The following SECISBP2 variants were observed in gnomAD, a reference collection of about 807,000 sequenced individuals.
The protein encoded by SECISBP2 is SECIS binding protein 2.
SECISBP2 carries 96 observed loss-of-function variants against 98.2 expected under a neutral mutation model. The ratio of observed to expected loss-of-function variants is 0.98; its 90% CI spans 0.83 to 1.16. The LOEUF is 1.16. SECISBP2 is among the 50% of genes most tolerant of loss of function. The probability of loss-of-function intolerance (pLI) is 0.00; values close to 1 mark genes in which losing one functional copy is unlikely to be tolerated. For synonymous variants in SECISBP2, 407 were observed against 370.2 expected, an observed-to-expected ratio of 1.10 and a Z score of -1.14; for missense variants, 1,046 against 1,022.9, an observed-to-expected ratio of 1.02 and a Z score of -0.31.
intron 10 of SECISBP2, among the ~76,000 whole-genome samples, chr9:89,343,110 A>C (rs896231206): frequency 6.6e-6 from 1 of 152,140 alleles, no homozygotes; most frequent in Non-Finnish European, 1.5e-5. Flanking sequence ...ATTCCATGGA[A>C]ATGGTTTACT....
At chr9:89,357,374 CAT>C in intron 14 of SECISBP2, 35 bp from the exon 15 acceptor site, 1 of 1,613,068 alleles carries the variant, frequency 6.2e-7, no homozygotes, top group East Asian at 2.2e-5. Context: ...CTCCATGTGA[CAT>C]GTCTTCCTGT....
At chr9:89,363,770 G>A (rs752685385), downstream of SECISBP2, 42 of 1,613,422 alleles carry the variant, frequency 2.6e-5, 1 homozygote, top group South Asian at 1.9e-4. Context: ...CTGCACCTTC[G>A]AAGTCTTGTT....
At chr9:89,347,452 C>G (rs1411478268) in intron 11 of SECISBP2, among the ~76,000 whole-genome samples, 1 of 150,802 alleles carries the variant, frequency 6.6e-6, no homozygotes, top group Non-Finnish European at 1.5e-5. Flanking sequence ...GTCACAGGCT[C>G]CTCCGGTGAA....
downstream of SECISBP2, chr9:89,359,780 C>T (rs1832620157): frequency 6.6e-6 from 1 of 152,164 alleles, no homozygotes; most frequent in Non-Finnish European, 1.5e-5. Flanking sequence ...GTTCTGCTAT[C>T]CCCAGCACTC....
intron 14 of SECISBP2, among the ~76,000 whole-genome samples, chr9:89,352,839 C>CT (rs879335688): frequency 9.3e-4 from 133 of 143,178 alleles, no homozygotes; most frequent in Admixed American, 8.4e-4. Flanking sequence ...CTGAAGATTC[C>CT]TTTTTTTTTT....
chr9:89,363,267 TC>T (rs67247190), downstream of SECISBP2, among the ~76,000 whole-genome samples: 18 of 151,670 alleles, frequency 1.2e-4, no homozygotes, highest in South Asian at 1.5e-3. Flanking sequence ...ACGTGGGATT[TC>T]CCCCCCCAGT....
At chr9:89,318,842 T>G in intron 1 of SECISBP2, 1 of 1,276,312 alleles carries the variant, frequency 7.8e-7, no homozygotes, top group Non-Finnish European at 9.9e-7. Context: ...GCGTCTGTGG[T>G]GCGATGTCAC....
intron 14 of SECISBP2, among the ~76,000 whole-genome samples, chr9:89,352,122 A>T (rs1831364853): frequency 6.6e-6 from 1 of 152,086 alleles, no homozygotes; most frequent in Non-Finnish European, 1.5e-5. Context: ...ACTTCCCCTA[A>T]TGTATAGTTT....
intron 7 of SECISBP2, among the ~76,000 whole-genome samples, chr9:89,335,373 C>G (rs1037379586): frequency 6.6e-6 from 1 of 152,054 alleles, no homozygotes; most frequent in Non-Finnish European, 1.5e-5. Flanking sequence ...CTCACTGTTG[C>G]CCAGCCTGGA....
chr9:89,353,370 C>T (rs1831577551), intron 14 of SECISBP2, among the ~76,000 whole-genome samples: 1 of 152,196 alleles, frequency 6.6e-6, no homozygotes, highest in Non-Finnish European at 1.5e-5. Context: ...CACTGCCTGC[C>T]TGGAGGGACA....
Position 89,325,319 on chromosome 9 carries a change from T to A in SECISBP2, c.183-108T>A, listed in dbSNP as rs1292915231. 2.9e-6 allele frequency: 3 copies of A among 1,040,470 alleles called. No individual in the cohort carries two copies. The African/African-American group carries it at 4.8e-5, about 17-fold the overall frequency. 64.5% of individuals were successfully genotyped at this position (1,040,470 alleles called of 1,614,324 possible). ...ATTAGGGATTATTCCAGTGCTAGAGTGAATGGTCTCAGAAATATTAAATGT... is the reference window on the plus strand; with the variant it reads ...ATTAGGGATTATTCCAGTGCTAGAGAGAATGGTCTCAGAAATATTAAATGT... On this transcript the variant is annotated intron_variant, in intron 2 of 16. Transcript: ENST00000375807.
chr9:89,327,358 T>C (rs986736510), intron 4 of SECISBP2, among the ~76,000 whole-genome samples: 3 of 152,194 alleles, frequency 2.0e-5, no homozygotes, highest in African/African-American at 7.2e-5. Flanking sequence ...TTTATAAAAG[T>C]ATTTTTTTCA....
intron 5 of SECISBP2, 30 bp from the exon 6 acceptor site, chr9:89,332,878 C>T: frequency 6.4e-7 from 1 of 1,551,762 alleles, no homozygotes; most frequent in Non-Finnish European, 8.9e-7. Context: ...TTGCATTTCT[C>T]TGATGACATC....
chr9:89,339,896 A>C lies in SECISBP2; in HGVS notation c.1245A>C (p.Ala415=). The C allele has an allele frequency of 6.2e-7, 1 of 1,613,936 alleles. No individual in the cohort carries two copies. The highest frequency in any genetic ancestry group is 2.2e-5 in the East Asian group (1 of 44,864). ...AGGAATTTCCCAACCTGGCAGTTGC[A>C]TCTGAAAGAAGAGACAGAATAGAGA... ...DAEEFPNLAV[A]SERRDRIETP... The change falls in exon 9 of 17, where the codon GCA becomes GCC. Residue 415 remains alanine, a synonymous_variant. Coordinates refer to ENST00000375807, the MANE Select transcript of SECISBP2 (RefSeq NM_024077.5).
chr9:89,333,920 T>TC (rs1828191454), intron 6 of SECISBP2: 1 of 524,320 alleles, frequency 1.9e-6, no homozygotes, highest in African/African-American at 2.1e-5. Context: ...TGTAGTTCTC[T>TC]AGTGAGGGGA....
At chr9:89,357,202 T>TACC in intron 14 of SECISBP2, 1 of 620,916 alleles carries the variant, frequency 1.6e-6, no homozygotes, top group South Asian at 1.9e-5. Flanking sequence ...GTTAAGACAA[T>TACC]ACCAGCTGTG....
At chr9:89,364,048 G>A (rs1223789745), downstream of SECISBP2, 12 of 1,605,420 alleles carry the variant, frequency 7.5e-6, no homozygotes, top group East Asian at 2.2e-5. Flanking sequence ...TGTCCCAGTT[G>A]GACCTGAAGT....
intron 2 of SECISBP2, chr9:89,322,294 A>G (rs1436177794): frequency 1.3e-5 from 2 of 152,284 alleles, no homozygotes; most frequent in Non-Finnish European, 2.9e-5. Flanking sequence ...GTAATGAACA[A>G]ATTTGCCTAT....
rs1320303459 is a variant in SECISBP2, at chr9:89,320,602, C to T, written c.182+805C>T. ...GAAATTGTTGACTTTTGCTTTCCACCTTTTTACTTTATATCTGTTAATATG... is the reference window on the plus strand; with the variant it reads ...GAAATTGTTGACTTTTGCTTTCCACTTTTTTACTTTATATCTGTTAATATG... On this transcript the variant is annotated intron_variant, in intron 2 of 16. Coordinates refer to ENST00000375807, the MANE Select transcript of SECISBP2 (RefSeq NM_024077.5). Among the ~76,000 whole-genome samples the T allele has an allele frequency of 3.9e-5, 6 of 152,054 alleles. No homozygotes were observed. In the East Asian group the frequency reaches 1.2e-3, roughly 29 times the overall value.
Sources: allele counts gnomAD v4.1 joint callset (sites outside exome capture counted in the v4.1 genomes callset), GRCh38; gene constraint gnomAD v4.1.1; transcripts MANE v1.5; gene names NCBI Gene and HGNC (gene_info 2026-07-23, HGNC 2026-07-21).